The following ARSF variants were observed in gnomAD, a reference collection of about 807,000 sequenced individuals.
ARSF encodes arylsulfatase F.
ARSF carries 33 observed loss-of-function variants against 35.4 expected under a neutral mutation model. That is an observed-to-expected ratio of 0.93 (90% CI 0.71 to 1.25). The LOEUF (loss-of-function observed/expected upper bound fraction) is 1.25, where lower values mean the gene tolerates loss of function less well. Ranked by LOEUF, ARSF falls within the 50% of genes most tolerant of loss-of-function variation. The pLI, the probability that ARSF is intolerant of heterozygous loss-of-function variation, is 0.00. For synonymous variants in ARSF, 222 were observed against 193.1 expected (o/e 1.15, Z -1.24); for missense variants, 501 against 480.2 (o/e 1.04, Z -0.40).
chrX:3,080,649 G>A (rs147490668), intron 4 of ARSF, among the ~76,000 whole-genome samples: 2,841 of 110,117 alleles, frequency 0.026, 40 homozygotes, highest in Middle Eastern at 0.06. Context: ...GTTCATACAC[G>A]GCGCCCTCTT....
chrX:3,103,999 C>G (rs945745710), intron 9 of ARSF, 75 bp downstream of exon 9: 2 of 1,093,128 alleles, frequency 1.8e-6, no homozygotes, highest in African/African-American at 3.6e-5. Flanking sequence ...AACAAGGAGA[C>G]TGACTCTATC....
At chrX:3,081,528 G>A (rs1279979570) in intron 5 of ARSF, among the ~76,000 whole-genome samples, 1 of 110,410 alleles carries the variant, frequency 9.1e-6, no homozygotes, top group Non-Finnish European at 1.9e-5. Context: ...GTAGAGATGG[G>A]GTTTCATCAT....
At chrX:3,059,619 A>C in intron 1 of ARSF, among the ~76,000 whole-genome samples, 1 of 112,621 alleles carries the variant, frequency 8.9e-6, no homozygotes, top group East Asian at 2.8e-4. Flanking sequence ...AGCAAAGAGC[A>C]CACCAGGAGA....
intron 7 of ARSF, among the ~76,000 whole-genome samples, chrX:3,098,767 T>A (rs1427452149): frequency 2.7e-5 from 3 of 111,570 alleles, no homozygotes; most frequent in East Asian, 2.8e-4. Context: ...CAATTTTTTT[T>A]AAATAGTCAA....
At chrX:3,061,342 A>T (rs1157449120) in intron 1 of ARSF, among the ~76,000 whole-genome samples, 4 of 111,756 alleles carry the variant, frequency 3.6e-5, no homozygotes, top group Non-Finnish European at 5.6e-5. Context: ...CAGCCACTGC[A>T]AAAACATGCC....
chrX:3,041,106 G>A (rs2089953178), upstream of ARSF, among the ~76,000 whole-genome samples: 1 of 110,515 alleles, frequency 9.0e-6, no homozygotes, highest in South Asian at 3.9e-4. Context: ...GGTCAAACAA[G>A]AAGCTTCCTG....
chrX:3,091,311 T>C (rs887113973), intron 7 of ARSF, among the ~76,000 whole-genome samples: 8 of 112,390 alleles, frequency 7.1e-5, no homozygotes, highest in African/African-American at 1.6e-4. Flanking sequence ...AATATCTTAG[T>C]TGGGGATTGG....
intron 5 of ARSF, among the ~76,000 whole-genome samples, chrX:3,082,518 T>G (rs185166816): frequency 9.0e-6 from 1 of 111,724 alleles, no homozygotes; most frequent in Non-Finnish European, 1.9e-5. Context: ...ATCTATCATG[T>G]ATCTATCTAT....
In ARSF at chrX:3,072,095, C is replaced by T. The variant is rs190362063; in HGVS notation, c.81C>T (p.Asp27=). The T allele has an allele frequency of 5.0e-6, 6 of 1,209,493 alleles. No homozygotes were observed. In the East Asian group the frequency reaches 1.2e-4, roughly 24 times the overall value. The change falls in exon 3 of 11, where the codon GAC becomes GAT. Residue 27 remains aspartate (D), a synonymous_variant. Transcript: ENST00000381127. ...LNTCQAHRVH[D]DKPNIVLIMV... ...CATGCCAGGCACACAGGGTGCATGACGACAAGCCTAATATTGTCCTAATCA... is the reference window on the plus strand; with the variant it reads ...CATGCCAGGCACACAGGGTGCATGATGACAAGCCTAATATTGTCCTAATCA...
chrX:3,112,023 C>T (rs2090448388), intron 10 of ARSF, 151 bp from the exon 11 acceptor site: 1 of 451,045 alleles, frequency 2.2e-6, no homozygotes, highest in Non-Finnish European at 3.8e-6. Flanking sequence ...AACCACTCAC[C>T]TCCTGTGTGT....
intron 7 of ARSF, among the ~76,000 whole-genome samples, chrX:3,093,027 G>GGTCT (rs1273123536): frequency 9.4e-6 from 1 of 106,357 alleles, no homozygotes; most frequent in African/African-American, 3.9e-5. Flanking sequence ...AAACACATCC[G>GGTCT]TGGTGGCGGG....
intron 4 of ARSF, among the ~76,000 whole-genome samples, chrX:3,079,152 T>C (rs1367715252): frequency 2.7e-5 from 3 of 111,529 alleles, no homozygotes; most frequent in African/African-American, 9.8e-5. Context: ...TCACTACAGT[T>C]TCTCCATCCA....
intron 1 of ARSF, among the ~76,000 whole-genome samples, chrX:3,052,687 T>C (rs1418577750): frequency 2.3e-5 from 1 of 43,692 alleles, no homozygotes; most frequent in African/African-American, 1.3e-4. Flanking sequence ...TGAGACCCTG[T>C]CTCAAAAAAA....
chrX:3,081,406 G>A (rs1169982256), intron 5 of ARSF, among the ~76,000 whole-genome samples: 2 of 111,405 alleles, frequency 1.8e-5, no homozygotes, highest in African/African-American at 3.3e-5. Context: ...GCACAATCTC[G>A]GCTCACTGCA....
In ARSF at chrX:3,105,018, A is replaced by G. The variant is rs778792774; in HGVS notation, c.1265+1094A>G. On this transcript the variant is annotated intron_variant, in intron 9 of 10. Transcript: ENST00000381127. ...TCCATTCCCTGGCAGCAACCAGCCT[A>G]GGTAGGTTTGCTGCTGATTGACAGT... Among the ~76,000 whole-genome samples, 12 of 111,787 alleles carry G rather than the reference A, an allele frequency of 1.1e-4. No homozygotes were observed. The Admixed American group carries it at 1.1e-3, about 11-fold the overall frequency.
intron 3 of ARSF, among the ~76,000 whole-genome samples, chrX:3,074,748 C>T (rs2090133897): frequency 9.0e-6 from 1 of 111,200 alleles, no homozygotes; most frequent in South Asian, 3.8e-4. Context: ...CCACAATCTG[C>T]AACAGATCTC....
intron 7 of ARSF, among the ~76,000 whole-genome samples, chrX:3,092,483 A>G (rs756037927): frequency 7.1e-5 from 8 of 112,220 alleles, no homozygotes; most frequent in Non-Finnish European, 1.1e-4. Context: ...ATAGTGTTCA[A>G]ACAAGGCACT....
At chrX:3,085,181 G>A (rs2090238431) in intron 6 of ARSF, among the ~76,000 whole-genome samples, 1 of 109,291 alleles carries the variant, frequency 9.1e-6, no homozygotes, top group Non-Finnish European at 1.9e-5. Context: ...GACCATGGAC[G>A]CAGACCCTAG....
rs773991757 is a variant in ARSF at position 3,089,548 on chromosome X, C to A, written c.883C>A (p.Pro295Thr). ...TTTCTCCTTTCTTCACGTGCACACA[C>A]CTCTCCCCACCACGGACGATTTCAC... ...LFFSFLHVHT[P>T]LPTTDDFTGT... Residue 295 changes from proline to threonine, a missense_variant, in exon 7 of 11, where the codon CCT (proline) becomes ACT (threonine). Coordinates refer to ENST00000381127, the MANE Select transcript of ARSF (RefSeq NM_001201539.2). The A allele has an allele frequency of 2.5e-6, 3 of 1,211,653 alleles. No homozygotes were observed. The highest frequency in any genetic ancestry group is 3.4e-6 in the Non-Finnish European group (3 of 895,286).
Sources: gnomAD v4.1 joint callset for allele counts (sites outside exome capture counted in the v4.1 genomes callset) on GRCh38, gnomAD v4.1.1 for gene constraint, MANE v1.5 for transcripts, NCBI Gene and HGNC (gene_info 2026-07-23, HGNC 2026-07-21) for gene names.